The following LMNTD1 variants were observed in gnomAD, a reference collection of about 807,000 sequenced individuals.
LMNTD1 encodes the protein lamin tail domain containing 1.
Under a neutral mutation model 50.9 loss-of-function variants are expected in LMNTD1, and 35 were observed. That is an observed-to-expected ratio of 0.69 (90% CI 0.53 to 0.91). The LOEUF (loss-of-function observed/expected upper bound fraction) is 0.91. Ranked by LOEUF, LMNTD1 falls within the 40% of genes least tolerant of loss-of-function variation. The pLI is 0.00. For missense variants in LMNTD1, 470 were observed against 475.5 expected (o/e 0.99, Z 0.11); for synonymous variants, 153 against 161.9 (o/e 0.94, Z 0.42).
chr12:25,576,989 A>G (rs1945050304), intron 1 of LMNTD1, among the ~76,000 whole-genome samples: 2 of 152,168 alleles, frequency 1.3e-5, no homozygotes, highest in African/African-American at 2.4e-5. Context: ...TTTGTCAAAG[A>G]TCAGATGGCT....
intron 7 of LMNTD1, 82 bp from the exon 8 acceptor site, chr12:25,519,049 A>T: frequency 3.8e-6 from 5 of 1,300,184 alleles, no homozygotes; most frequent in Non-Finnish European, 5.4e-6. Context: ...TTAAAGGGGA[A>T]GCATATTTCA....
At chr12:25,559,408 GTGTATA>G (rs1214918003) in intron 1 of LMNTD1, among the ~76,000 whole-genome samples, 1 of 152,148 alleles carries the variant, frequency 6.6e-6, no homozygotes, top group Non-Finnish European at 1.5e-5. Context: ...GTATTCCATG[GTGTATA>G]TGTGACACAT....
intron 9 of LMNTD1, among the ~76,000 whole-genome samples, chr12:25,502,491 T>C (rs537851050): frequency 4.7e-4 from 71 of 152,334 alleles, no homozygotes; most frequent in African/African-American, 1.7e-3. Context: ...GAGCCAAATC[T>C]GAATTCTTGG....
chr12:25,617,856 A>G lies in LMNTD1; in HGVS notation c.58+30638T>C, dbSNP rs973983928. On this transcript the variant is annotated intron_variant, in intron 1 of 7. Transcript: ENST00000445693. Reference sequence around the variant, plus strand: ...TCTTGCATGAGGCAAGAGATTTTGCAGAGCAGGTGAAATCTGAAGAAGTAC... The same window carrying G: ...TCTTGCATGAGGCAAGAGATTTTGCGGAGCAGGTGAAATCTGAAGAAGTAC... 1.1e-4 allele frequency among the ~76,000 whole-genome samples: 16 copies of G among 152,320 alleles called. No homozygotes were observed. In the East Asian group the frequency reaches 3.1e-3, roughly 29 times the overall value.
intron 4 of LMNTD1, among the ~76,000 whole-genome samples, chr12:25,539,604 T>C (rs1012838781): frequency 6.6e-6 from 1 of 151,564 alleles, no homozygotes; most frequent in Non-Finnish European, 1.5e-5. Context: ...TAGCACTAAA[T>C]GCCCACAAGA....
At chr12:25,556,892 C>A (rs761796803), upstream of LMNTD1, among the ~76,000 whole-genome samples, 1 of 152,128 alleles carries the variant, frequency 6.6e-6, no homozygotes, top group Non-Finnish European at 1.5e-5. Flanking sequence ...ATTTGCACAG[C>A]AAGAGATTTT....
At chr12:25,627,070 T>C (rs35003505) in intron 1 of LMNTD1, among the ~76,000 whole-genome samples, 12,665 of 152,274 alleles carry the variant, frequency 0.083, 560 homozygotes, top group Middle Eastern at 0.18. Flanking sequence ...ACCATCATGC[T>C]ACCTTTTTCT....
At chr12:25,568,313 A>G (rs1162778989) in intron 1 of LMNTD1, among the ~76,000 whole-genome samples, 1 of 152,252 alleles carries the variant, frequency 6.6e-6, no homozygotes, top group Non-Finnish European at 1.5e-5. Flanking sequence ...GCTGCTTCTA[A>G]CATCCTACTT....
chr12:25,643,319 G>A (rs1445293274), intron 1 of LMNTD1, among the ~76,000 whole-genome samples: 1 of 152,144 alleles, frequency 6.6e-6, no homozygotes, highest in African/African-American at 2.4e-5. Flanking sequence ...AGGTATTCAG[G>A]GGAAGCATCC....
intron 1 of LMNTD1, among the ~76,000 whole-genome samples, chr12:25,632,369 G>A (rs1946737955): frequency 1.3e-5 from 2 of 152,190 alleles, no homozygotes; most frequent in Admixed American, 1.3e-4. Context: ...TTAAGACGAA[G>A]GAATCAATCT....
chr12:25,532,666 T>C (rs1029630380), intron 4 of LMNTD1, among the ~76,000 whole-genome samples: 1 of 152,178 alleles, frequency 6.6e-6, no homozygotes, highest in Admixed American at 6.5e-5. Context: ...TCACCTACAT[T>C]GTATGAGAAT....
chr12:25,514,214 C>T (rs1210699805), intron 8 of LMNTD1, among the ~76,000 whole-genome samples: 1 of 152,076 alleles, frequency 6.6e-6, no homozygotes, highest in East Asian at 1.9e-4. Context: ...GGAGCACAGA[C>T]CCAGACCCAA....
chr12:25,636,799 A>C (rs996500188), intron 1 of LMNTD1, among the ~76,000 whole-genome samples: 4 of 152,220 alleles, frequency 2.6e-5, no homozygotes, highest in African/African-American at 9.6e-5. Context: ...GAATACTACT[A>C]AGCCATAAAA....
chr12:25,601,116 C>T (rs1945960373), intron 1 of LMNTD1, among the ~76,000 whole-genome samples: 1 of 151,896 alleles, frequency 6.6e-6, no homozygotes, highest in African/African-American at 2.4e-5. Flanking sequence ...ACTACTCAGC[C>T]ATAAAAGGAA....
intron 1 of LMNTD1, among the ~76,000 whole-genome samples, chr12:25,591,047 AG>A (rs893749976): frequency 6.6e-6 from 1 of 152,152 alleles, no homozygotes; most frequent in African/African-American, 2.4e-5. Context: ...TGAAGGGAAA[AG>A]CAAAGGAGAC....
At position 25,503,800 on chromosome 12, in the gene LMNTD1, C is replaced by A; in HGVS notation, c.1190G>T (p.Gly397Val). Residue 397 changes from glycine (G) to valine (V), a missense_variant and splice_region_variant, in exon 9 of 10, where the codon GGG (glycine) becomes GTG (valine). Transcript: ENST00000458174. The stretch of plus-strand genomic sequence containing the variant: ...CTCAGATGTCTTCTTTTTCTTAGAC[C>A]CTGAAAATTAAAAAAAATAATTAAA... ...TRSTRPNRASGSKKKKTSESQ... is the reference protein window; with the variant it reads ...TRSTRPNRASVSKKKKTSESQ... The A allele has an allele frequency of 1.3e-6, 2 of 1,556,338 alleles. No homozygotes were observed. Among genetic ancestry groups the A allele is most frequent in the South Asian group, 1.2e-5 (1 of 84,888 alleles).
chr12:25,484,878 C>A (rs1388579803), intron 9 of LMNTD1, among the ~76,000 whole-genome samples: 1 of 146,342 alleles, frequency 6.8e-6, no homozygotes, highest in East Asian at 2.1e-4. Context: ...TGTATATGTG[C>A]CACATTTTCT....
chr12:25,499,273 T>C (rs1284033376), intron 9 of LMNTD1, among the ~76,000 whole-genome samples: 3 of 152,062 alleles, frequency 2.0e-5, no homozygotes, highest in Non-Finnish European at 4.4e-5. Context: ...AGAGTTTCAC[T>C]ATGTTTCCCA....
intron 1 of LMNTD1, among the ~76,000 whole-genome samples, chr12:25,599,276 C>T (rs1161359071): frequency 6.6e-6 from 1 of 151,792 alleles, no homozygotes; most frequent in African/African-American, 2.4e-5. Context: ...GAAAAAAACC[C>T]TAAAAAAGCT....
Sources: gnomAD v4.1 joint callset for allele counts (sites outside exome capture counted in the v4.1 genomes callset) on GRCh38, gnomAD v4.1.1 for gene constraint, MANE v1.5 for transcripts, NCBI Gene and HGNC (gene_info 2026-07-23, HGNC 2026-07-21) for gene names.